The following CA5A variants were observed in gnomAD, a reference collection of about 807,000 sequenced individuals.
CA5A encodes carbonic anhydrase 5A, mitochondrial.
CA5A carries 28 observed loss-of-function variants against 37.1 expected under a neutral mutation model. That is an observed-to-expected ratio of 0.75 (90% confidence interval 0.56 to 1.03). The LOEUF (loss-of-function observed/expected upper bound fraction) is 1.03. CA5A is among the 50% of genes least tolerant of loss of function. CA5A has a pLI of 0.00. For synonymous variants in CA5A, 171 were observed against 158.4 expected (o/e 1.08, Z -0.60); for missense variants, 444 against 399.9 (o/e 1.11, Z -0.94).
intron 1 of CA5A, among the ~76,000 whole-genome samples, chr16:87,928,751 CTTTTCTTTGTTTT>C (rs2056351536): frequency 9.3e-6 from 1 of 107,270 alleles, no homozygotes; most frequent in African/African-American, 3.6e-5. Flanking sequence ...GGATTATTTT[CTTTTCTTTGTTTT>C]TTTTTTTTTT....
At chr16:87,889,616 A>G (rs1278810386) in intron 6 of CA5A, among the ~76,000 whole-genome samples, 1 of 151,906 alleles carries the variant, frequency 6.6e-6, no homozygotes, top group Non-Finnish European at 1.5e-5. Flanking sequence ...TCTACTAAAA[A>G]TACAAAATTA....
At chr16:87,917,286 C>T (rs530380831) in intron 2 of CA5A, among the ~76,000 whole-genome samples, 24 of 152,224 alleles carry the variant, frequency 1.6e-4, no homozygotes, top group Middle Eastern at 3.4e-3. Flanking sequence ...AGAGCCTCTT[C>T]CTCAGTCCCG....
intron 5 of CA5A, among the ~76,000 whole-genome samples, chr16:87,900,412 C>T (rs1393169522): frequency 6.6e-6 from 1 of 152,236 alleles, no homozygotes; most frequent in Non-Finnish European, 1.5e-5. Flanking sequence ...AGGCCACGTA[C>T]AGATCAAACG....
At chr16:87,927,074 A>G in intron 1 of CA5A, 129 bp from the exon 2 acceptor site, 1 of 684,622 alleles carries the variant, frequency 1.5e-6, no homozygotes, top group East Asian at 2.7e-5. Flanking sequence ...CCCACGGGAA[A>G]CGGGCGCGTG....
chr16:87,882,964 CA>C (rs1446316315), intron 4 of CA5A: 1 of 152,312 alleles, frequency 6.6e-6, no homozygotes. Flanking sequence ...GGCAGTGGCA[CA>C]ATCTCAGCTC....
chr16:87,914,609 C>G (rs4335776), intron 2 of CA5A, among the ~76,000 whole-genome samples: 69,723 of 151,308 alleles, frequency 0.46, 16,889 homozygotes, highest in South Asian at 0.57. Flanking sequence ...GGGAAGCCAG[C>G]AGGGAGGGAA....
chr16:87,901,767 A>C (rs1388411084), intron 5 of CA5A, 145 bp downstream of exon 5: 12 of 557,646 alleles, frequency 2.2e-5, no homozygotes, highest in Non-Finnish European at 3.0e-5. Context: ...TTGTATTTTT[A>C]GTGGAGACGG....
chr16:87,925,162 G>A (rs752578721), intron 2 of CA5A, among the ~76,000 whole-genome samples: 2 of 152,228 alleles, frequency 1.3e-5, no homozygotes, highest in Non-Finnish European at 2.9e-5. Flanking sequence ...GCCTGCCGGA[G>A]AGGATGTGGA....
chr16:87,906,455 C>A (rs1044511653), intron 2 of CA5A, among the ~76,000 whole-genome samples: 1 of 151,724 alleles, frequency 6.6e-6, no homozygotes, highest in Non-Finnish European at 1.5e-5. Flanking sequence ...TGGTGTAACC[C>A]ATCTCTACTG....
chr16:87,893,895 C>A (rs2055763247), intron 5 of CA5A, among the ~76,000 whole-genome samples: 1 of 152,164 alleles, frequency 6.6e-6, no homozygotes, highest in Admixed American at 6.5e-5. Context: ...GCCTCAGTTT[C>A]CCAAGTAGCT....
At chr16:87,902,105 G>C (rs1445993905) in intron 4 of CA5A, 131 bp from the exon 5 acceptor site, 4 of 822,110 alleles carry the variant, frequency 4.9e-6, no homozygotes, top group Non-Finnish European at 8.2e-6. Context: ...TGTGATCCTA[G>C]CACTGTGGGA....
chr16:87,910,583 ACTT>A (rs2143993668), intron 2 of CA5A, among the ~76,000 whole-genome samples: 1 of 152,018 alleles, frequency 6.6e-6, no homozygotes, highest in Non-Finnish European at 1.5e-5. Context: ...TCTCAAAGTG[ACTT>A]CTTTTTTTTT....
Position 87,891,809 on chromosome 16 carries a change from G to A in CA5A, c.764C>T (p.Ala255Val). 4.6e-6 allele frequency: 7 copies of A among 1,532,188 alleles called. No homozygotes were observed. The highest frequency in any genetic ancestry group is 5.2e-6 in the Non-Finnish European group (6 of 1,143,170). The allele number at this position is 1,532,188 out of a possible 1,614,324, so 94.9% of individuals were successfully genotyped here. A position where few individuals can be genotyped will look rare whatever the true frequency, so the allele number is the denominator to read the frequency against. ...WIIQKEPVEV[A>V]PSQLSAFRTL... ...ACGGGCACGGCTCACCTGGCTTGGG[G>A]CCACTTCAACGGGCTCCTTCTGGAT... is the stretch of plus-strand genomic sequence containing the variant. The change falls in exon 6 of 7, where the codon GCC (alanine) becomes GTC (valine). Residue 255 changes from alanine to valine, a missense_variant. Physicochemically the swap from Ala to Val is moderately conservative, Grantham distance 64 (BLOSUM62 0). Transcript: ENST00000649794.
In CA5A at chr16:87,911,211, C is replaced by A. The variant is rs1250028063; in HGVS notation, c.341-6307G>T. 3.9e-5 allele frequency among the ~76,000 whole-genome samples: 6 copies of A among 152,096 alleles called. No homozygotes were observed. The highest frequency in any genetic ancestry group is 1.4e-4 in the African/African-American group (6 of 41,414). On this transcript the variant is annotated intron_variant, in intron 2 of 6. Coordinates refer to ENST00000649794, the MANE Select transcript of CA5A (RefSeq NM_001739.2). The surrounding 1 kb of genome is among the most constrained non-coding windows in gnomAD (Gnocchi z 4.6). ...AGCAGGGCTGGTCCACCGGGCAGCA[C>A]TGGCCACTGTTGCCTCAGCGTTCTG...
intron 6 of CA5A, among the ~76,000 whole-genome samples, chr16:87,888,855 C>T (rs1055702697): frequency 4.6e-5 from 7 of 151,976 alleles, no homozygotes; most frequent in African/African-American, 1.4e-4. Context: ...CAGGTTCAAG[C>T]GATTCTCCTG....
chr16:87,927,163 T>C (rs1257678230), intron 1 of CA5A, among the ~76,000 whole-genome samples: 2 of 152,264 alleles, frequency 1.3e-5, no homozygotes, highest in South Asian at 4.1e-4. Context: ...GGACTTTCTT[T>C]CCCACCCGGA....
chr16:87,899,695 A>T (rs1376622149), intron 5 of CA5A, among the ~76,000 whole-genome samples: 4 of 150,380 alleles, frequency 2.7e-5, no homozygotes, highest in Admixed American at 2.0e-4. Context: ...CAAGGTGGGC[A>T]GATCACTTGA....
intron 5 of CA5A, among the ~76,000 whole-genome samples, chr16:87,899,651 G>A (rs1392350141): frequency 5.3e-5 from 8 of 150,262 alleles, no homozygotes; most frequent in Non-Finnish European, 1.2e-4. Context: ...CAGGTGCGGT[G>A]GTTCACGCCG....
chr16:87,890,398 G>A (rs1041607891), intron 6 of CA5A, among the ~76,000 whole-genome samples: 3 of 152,112 alleles, frequency 2.0e-5, no homozygotes, highest in African/African-American at 7.2e-5. Context: ...TATTTTCACA[G>A]GCCCGGGAGA....
Sources: gnomAD v4.1 joint callset for allele counts (sites outside exome capture counted in the v4.1 genomes callset) on GRCh38, gnomAD v4.1.1 for gene constraint, Gnocchi (gnomAD v3.1) non-coding constraint, MANE v1.5 for transcripts, NCBI Gene and HGNC (gene_info 2026-07-23, HGNC 2026-07-21) for gene names.